ELOVL5: variants seen among roughly 807,000 people sequenced by gnomAD.
ELOVL5 encodes the protein very long chain fatty acid elongase 5.
A neutral mutation model predicts 38.6 loss-of-function variants in ELOVL5; 8 were observed. The ratio of observed to expected loss-of-function variants is 0.21; its 90% CI spans 0.12 to 0.37. The LOEUF is 0.37. Among genes scored for constraint, ELOVL5 ranks in the 10% least tolerant of loss-of-function variants. The pLI is 1.00. For synonymous variants in ELOVL5, 127 were observed against 133.7 expected (o/e 0.95, Z 0.34); for missense variants, 280 against 367.8 (o/e 0.76, Z 1.95).
At chr6:53,343,401 T>C (rs1454190308) in intron 1 of ELOVL5, among the ~76,000 whole-genome samples, 3 of 152,088 alleles carry the variant, frequency 2.0e-5, no homozygotes, top group Non-Finnish European at 4.4e-5. Context: ...TTTGTACAGA[T>C]GGGGTCTTGC....
In ELOVL5 at chr6:53,311,594, CTGAT is replaced by C. The variant is rs144325626; in HGVS notation, c.-8-15891_-8-15888del. On this transcript the variant is annotated intron_variant, in intron 1 of 7. Coordinates refer to ENST00000304434, the MANE Select transcript of ELOVL5 (RefSeq NM_021814.5). ...TAAAAACAACCCAAAAGTCGATCAA[CTGAT>C]TAATTAATAAACAAAATGTTGTACA... Among the ~76,000 whole-genome samples the C allele has an allele frequency of 4.3e-3, 656 of 152,242 alleles. 7 individuals are homozygous for C. Among genetic ancestry groups the C allele is most frequent in the African/African-American group, 0.015 (633 of 41,528 alleles).
intron 1 of ELOVL5, among the ~76,000 whole-genome samples, chr6:53,316,447 C>T (rs934146842): frequency 6.6e-6 from 1 of 151,332 alleles, no homozygotes; most frequent in Non-Finnish European, 1.5e-5. Flanking sequence ...GGGGATCAGA[C>T]AGAAGGCAGA....
intron 1 of ELOVL5, among the ~76,000 whole-genome samples, chr6:53,306,239 G>A (rs1293091119): frequency 6.7e-4 from 2 of 2,974 alleles, no homozygotes; most frequent in African/African-American, 3.1e-3. Flanking sequence ...GAGGGGAGAG[G>A]GAGAGGGGAG....
Position 53,270,730 on chromosome 6 carries a change from A to AG in ELOVL5, c.622-4dup. On this transcript the variant is annotated splice_polypyrimidine_tract_variant and splice_region_variant and intron_variant, in intron 6 of 7. Transcript: ENST00000304434. ...ATGATTGTCAGCACAAACTGAAGCT[A>AG]GGGGAACAGAGGGGATGCAGCTGAA... 6.2e-7 allele frequency: 1 copy of AG among 1,614,154 alleles called. No homozygotes were observed. Among genetic ancestry groups the AG allele is most frequent in the Non-Finnish European group, 8.5e-7 (1 of 1,180,000 alleles).
chr6:53,279,090 G>A (rs1011921514), intron 3 of ELOVL5, among the ~76,000 whole-genome samples: 3 of 152,222 alleles, frequency 2.0e-5, no homozygotes, highest in South Asian at 4.1e-4. Context: ...GCTTTTTCAC[G>A]TTTTGCTAGG....
At chr6:53,284,740 G>C (rs928157539) in intron 3 of ELOVL5, among the ~76,000 whole-genome samples, 2 of 152,060 alleles carry the variant, frequency 1.3e-5, no homozygotes, top group Non-Finnish European at 2.9e-5. Flanking sequence ...ATGTGTTACT[G>C]TGTCACATTT....
intron 1 of ELOVL5, among the ~76,000 whole-genome samples, chr6:53,331,685 G>A (rs141786154): frequency 2.6e-5 from 4 of 152,280 alleles, no homozygotes; most frequent in African/African-American, 4.8e-5. Flanking sequence ...GGAGTACACC[G>A]AGTTTAAAAA....
chr6:53,305,027 C>CG (rs1176215522), intron 1 of ELOVL5, among the ~76,000 whole-genome samples: 1 of 151,210 alleles, frequency 6.6e-6, no homozygotes, highest in African/African-American at 2.4e-5. Context: ...CCTCACCTCC[C>CG]GGACGGGGCG....
In ELOVL5 at chr6:53,268,232, A is replaced by T. The variant is rs1490380865; in HGVS notation, c.*895T>A. ...TACGGGACTCTGTCAAACGGTAAAT[A>T]GGCAATCATCTCTCTTGAAAAGTAT... On this transcript the variant is annotated 3_prime_UTR_variant, in exon 8 of 8. Transcript: ENST00000304434. 1 of 152,200 alleles carries T rather than the reference A, an allele frequency of 6.6e-6. No homozygotes were observed. Among genetic ancestry groups the T allele is most frequent in the African/African-American group, 2.4e-5 (1 of 41,448 alleles). 9.4% of individuals were successfully genotyped at this position (152,200 alleles called of 1,614,324 possible). A position where few individuals can be genotyped will look rare whatever the true frequency, so the allele number is the denominator to read the frequency against.
chr6:53,344,524 G>C (rs954312637), intron 1 of ELOVL5, among the ~76,000 whole-genome samples: 1 of 152,158 alleles, frequency 6.6e-6, no homozygotes, highest in Non-Finnish European at 1.5e-5. Flanking sequence ...CTTAGGAGAC[G>C]GAGCAGGCCA....
chr6:53,270,941 C>T (rs1765896444), intron 6 of ELOVL5, among the ~76,000 whole-genome samples: 1 of 152,218 alleles, frequency 6.6e-6, no homozygotes, highest in Non-Finnish European at 1.5e-5. Context: ...CCTCTGCCCT[C>T]CAAGCTATTT....
At chr6:53,324,672 CAA>C (rs200304234) in intron 1 of ELOVL5, among the ~76,000 whole-genome samples, 54 of 80,362 alleles carry the variant, frequency 6.7e-4, no homozygotes, top group African/African-American at 3.6e-3. Flanking sequence ...GAGATCCTGT[CAA>C]AAAAAAAAAA....
At chr6:53,317,408 C>T (rs184283259) in intron 1 of ELOVL5, among the ~76,000 whole-genome samples, 89 of 152,180 alleles carry the variant, frequency 5.8e-4, no homozygotes, top group Admixed American at 1.6e-3. Context: ...TGTCCAACAA[C>T]GATAGACTGG....
At chr6:53,347,899 G>A (rs1040070340) in intron 1 of ELOVL5, among the ~76,000 whole-genome samples, 1 of 152,208 alleles carries the variant, frequency 6.6e-6, no homozygotes, top group Admixed American at 6.5e-5. Flanking sequence ...TCTAGGCATT[G>A]CTCCGTCGAC....
At chr6:53,294,274 G>A (rs1412510483) in intron 2 of ELOVL5, 1 of 1,556,672 alleles carries the variant, frequency 6.4e-7, no homozygotes, top group Admixed American at 1.9e-5. Flanking sequence ...ACCCCCTCTG[G>A]TGGCTGGTTC....
chr6:53,272,931 C>G (rs1298707258), intron 6 of ELOVL5, among the ~76,000 whole-genome samples: 1 of 150,730 alleles, frequency 6.6e-6, no homozygotes, highest in Non-Finnish European at 1.5e-5. Flanking sequence ...TACACACATA[C>G]ATGCATATGT....
At chr6:53,276,092 A>G in intron 4 of ELOVL5, 87 bp downstream of exon 4, 1 of 846,786 alleles carries the variant, frequency 1.2e-6, no homozygotes, top group South Asian at 1.7e-5. Flanking sequence ...CTGGGCAGTG[A>G]GGTTATGGGC....
chr6:53,268,986 TGAATTGATGAAA>T lies in ELOVL5; in HGVS notation c.*129_*140del. ...ATCTGTATACGTTTTCTAGGGGTTT[TGAATTGATGAAA>T]GAAGTCCTACATGAATCACACTATT... On this transcript the variant is annotated 3_prime_UTR_variant, in exon 8 of 8. Transcript: ENST00000304434. 1 of 958,678 alleles carries T rather than the reference TGAATTGATGAAA, an allele frequency of 1.0e-6. No individual in the cohort carries two copies. The highest frequency in any genetic ancestry group is 2.5e-5 in the Admixed American group (1 of 39,710). 59.4% of individuals were successfully genotyped at this position (958,678 alleles called of 1,614,324 possible).
At chr6:53,303,602 A>T (rs1363533668) in intron 1 of ELOVL5, among the ~76,000 whole-genome samples, 3 of 152,232 alleles carry the variant, frequency 2.0e-5, no homozygotes, top group African/African-American at 7.2e-5. Context: ...GCACTGATAG[A>T]TTCTACAAAG....
Sources: allele counts gnomAD v4.1 joint callset (sites outside exome capture counted in the v4.1 genomes callset), GRCh38; gene constraint gnomAD v4.1.1; transcripts MANE v1.5; gene names NCBI Gene and HGNC (gene_info 2026-07-23, HGNC 2026-07-21).